SLC39A11: variants seen among roughly 807,000 people sequenced by gnomAD.
The protein encoded by SLC39A11 is zinc transporter ZIP11.
Under a neutral mutation model 36.1 loss-of-function variants are expected in SLC39A11, and 33 were observed. That is an observed-to-expected ratio of 0.91 (90% CI 0.69 to 1.22). The LOEUF (loss-of-function observed/expected upper bound fraction) is 1.22, where lower values mean the gene tolerates loss of function less well. Among genes scored for constraint, SLC39A11 ranks in the 50% most tolerant of loss-of-function variants. The probability of loss-of-function intolerance (pLI) is 0.00; values close to 1 mark genes in which losing one functional copy is unlikely to be tolerated. For missense variants in SLC39A11, 432 were observed against 430.3 expected (o/e 1.00, Z -0.03); for synonymous variants, 166 against 170.3 (o/e 0.97, Z 0.20).
At chr17:72,974,382 G>T (rs996516653) in intron 4 of SLC39A11, among the ~76,000 whole-genome samples, 8 of 146,550 alleles carry the variant, frequency 5.5e-5, no homozygotes, top group South Asian at 2.1e-4. Context: ...TTACAGGTGT[G>T]AGCCACCACA....
At position 73,048,505 on chromosome 17, in the gene SLC39A11, C is replaced by T. The variant is rs76514862; in HGVS notation, c.148-16791G>A. Among the ~76,000 whole-genome samples the T allele has an allele frequency of 7.6e-3, 1,161 of 152,262 alleles. 12 individuals carry two copies. The highest frequency in any genetic ancestry group is 0.027 in the African/African-American group (1,127 of 41,530). On this transcript the variant is annotated intron_variant, in intron 3 of 9. Coordinates refer to ENST00000255559, the MANE Select transcript of SLC39A11 (RefSeq NM_139177.4). Reference sequence around the variant, plus strand: ...TAACGCTGTGATGAACACATGAGTGCCTGTGTCTTTTTAATATAATCATCT... The same window carrying T: ...TAACGCTGTGATGAACACATGAGTGTCTGTGTCTTTTTAATATAATCATCT...
intron 6 of SLC39A11, among the ~76,000 whole-genome samples, chr17:72,844,542 G>C (rs1008297513): frequency 6.6e-6 from 1 of 152,104 alleles, no homozygotes; most frequent in Admixed American, 6.6e-5. Context: ...CGTGGCATGC[G>C]CCTGTAGTCC....
intron 5 of SLC39A11, among the ~76,000 whole-genome samples, chr17:72,892,780 A>T (rs1046470463): frequency 2.0e-5 from 3 of 152,228 alleles, no homozygotes; most frequent in Admixed American, 2.0e-4. Flanking sequence ...TTTTTTAGAA[A>T]GAGTGCAGTG....
At chr17:72,664,952 G>A (rs2070661307) in intron 7 of SLC39A11, among the ~76,000 whole-genome samples, 1 of 152,102 alleles carries the variant, frequency 6.6e-6, no homozygotes, top group South Asian at 2.1e-4. Flanking sequence ...TCTACCTTGG[G>A]GCATTTTCAC....
intron 7 of SLC39A11, chr17:72,663,749 G>C (rs16977310): frequency 6.6e-6 from 1 of 151,992 alleles, no homozygotes; most frequent in East Asian, 1.9e-4. Flanking sequence ...CGTCTGTCCC[G>C]CGAAGCATCT....
intron 6 of SLC39A11, among the ~76,000 whole-genome samples, chr17:72,748,610 A>ACAGC (rs1246539366): frequency 1.3e-5 from 2 of 152,216 alleles, no homozygotes; most frequent in Admixed American, 1.3e-4. Context: ...ATGACTGAAG[A>ACAGC]CAGCCACATC....
chr17:72,739,952 G>A (rs1440521406), intron 6 of SLC39A11, among the ~76,000 whole-genome samples: 1 of 150,548 alleles, frequency 6.6e-6, no homozygotes, highest in Non-Finnish European at 1.5e-5. Context: ...CACATATTTT[G>A]TGTGCTATAT....
chr17:72,735,025 G>A (rs867306501), intron 7 of SLC39A11, among the ~76,000 whole-genome samples: 4 of 152,174 alleles, frequency 2.6e-5, no homozygotes, highest in Admixed American at 6.5e-5. Flanking sequence ...GTCATCATTA[G>A]CCCTTGTTTT....
chr17:72,679,759 A>G (rs1470947370), intron 7 of SLC39A11, among the ~76,000 whole-genome samples: 2 of 152,066 alleles, frequency 1.3e-5, no homozygotes, highest in African/African-American at 2.4e-5. Flanking sequence ...TTGTGGTAAA[A>G]TTGGCTGGGC....
At chr17:72,900,239 G>A (rs2146925896) in intron 5 of SLC39A11, among the ~76,000 whole-genome samples, 1 of 150,414 alleles carries the variant, frequency 6.6e-6, no homozygotes, top group South Asian at 2.1e-4. Context: ...GAAAAAGACA[G>A]CAAGGCAAGG....
chr17:72,788,878 C>A (rs1384629935), intron 6 of SLC39A11, among the ~76,000 whole-genome samples: 1 of 152,228 alleles, frequency 6.6e-6, no homozygotes, highest in Non-Finnish European at 1.5e-5. Flanking sequence ...AGAAACCATG[C>A]AACTGAAGCG....
intron 7 of SLC39A11, among the ~76,000 whole-genome samples, chr17:72,665,797 CTCTT>C (rs754486590): frequency 6.6e-6 from 1 of 151,962 alleles, no homozygotes; most frequent in Non-Finnish European, 1.5e-5. Flanking sequence ...TTCTTTCTTT[CTCTT>C]TCTTTTCTCT....
chr17:72,708,898 G>T (rs567865636), intron 7 of SLC39A11, among the ~76,000 whole-genome samples: 10 of 151,890 alleles, frequency 6.6e-5, no homozygotes, highest in African/African-American at 2.4e-4. Flanking sequence ...TTTGCCTTTG[G>T]CTCTGTTTTC....
rs536830487 is a variant in SLC39A11 at position 72,664,673 on chromosome 17, G to T, written c.672-15405C>A. Reference sequence around the variant, plus strand: ...CAAATTTGCTAAGTCTGATTATGCTGCTCCTGTGTTGAAGACACTGCAGTG... The same window carrying T: ...CAAATTTGCTAAGTCTGATTATGCTTCTCCTGTGTTGAAGACACTGCAGTG... On this transcript the variant is annotated intron_variant, in intron 7 of 9. Coordinates refer to ENST00000255559, the MANE Select transcript of SLC39A11 (RefSeq NM_139177.4). 4.6e-5 allele frequency among the ~76,000 whole-genome samples: 7 copies of T among 152,262 alleles called. No homozygotes were observed. The East Asian group carries it at 1.4e-3, about 29-fold the overall frequency.
At chr17:72,835,483 A>G (rs2078488481) in intron 6 of SLC39A11, among the ~76,000 whole-genome samples, 1 of 152,088 alleles carries the variant, frequency 6.6e-6, no homozygotes, top group Non-Finnish European at 1.5e-5. Flanking sequence ...TTTTATTGAG[A>G]CAGGTCTTGC....
At chr17:72,678,440 C>T (rs2071368152) in intron 7 of SLC39A11, among the ~76,000 whole-genome samples, 1 of 152,110 alleles carries the variant, frequency 6.6e-6, no homozygotes, top group African/African-American at 2.4e-5. Flanking sequence ...GGCACGGTGG[C>T]TCACATCTGT....
At chr17:72,743,353 G>A (rs946803012) in intron 6 of SLC39A11, among the ~76,000 whole-genome samples, 2 of 152,186 alleles carry the variant, frequency 1.3e-5, no homozygotes, top group South Asian at 4.1e-4. Flanking sequence ...AAGAGGTTTG[G>A]AGCAAAGGGA....
intron 3 of SLC39A11, among the ~76,000 whole-genome samples, chr17:73,037,013 G>C (rs1413101112): frequency 8.8e-5 from 1 of 11,408 alleles, no homozygotes; most frequent in Non-Finnish European, 3.1e-3. Context: ...TCTTTCACTT[G>C]GTTTTTAATG....
chr17:73,077,378 CA>C (rs1221583502), intron 3 of SLC39A11, among the ~76,000 whole-genome samples: 8 of 152,230 alleles, frequency 5.3e-5, no homozygotes, highest in African/African-American at 1.9e-4. Context: ...AGTGCAATGG[CA>C]CGATCTTGGC....
Sources: gnomAD v4.1 joint callset for allele counts (sites outside exome capture counted in the v4.1 genomes callset) on GRCh38, gnomAD v4.1.1 for gene constraint, MANE v1.5 for transcripts, NCBI Gene and HGNC (gene_info 2026-07-23, HGNC 2026-07-21) for gene names.